The following MDGA1 variants were observed in gnomAD, a reference collection of about 807,000 sequenced individuals.
MDGA1 encodes the protein MAM domain-containing glycosylphosphatidylinositol anchor protein 1.
Under a neutral mutation model 101.5 loss-of-function variants are expected in MDGA1, and 54 were observed. The observed-to-expected ratio is 0.53, with a 90% CI of 0.43 to 0.67. The LOEUF (loss-of-function observed/expected upper bound fraction) is 0.67, where lower values mean the gene tolerates loss of function less well. MDGA1 is among the 30% of genes least tolerant of loss of function. The probability of loss-of-function intolerance (pLI) is 0.00; values close to 1 mark genes in which losing one functional copy is unlikely to be tolerated. For missense variants in MDGA1, 1,083 were observed against 1,323.8 expected (o/e 0.82, Z 2.82); for synonymous variants, 533 against 558.3 (o/e 0.95, Z 0.64).
At chr6:37,645,978 C>T in intron 11 of MDGA1, 22 bp from the exon 12 acceptor site, 1 of 1,613,950 alleles carries the variant, frequency 6.2e-7, no homozygotes, top group Non-Finnish European at 8.5e-7. Flanking sequence ...AGCGGGGAAA[C>T]CAAGTCAGAA....
At chr6:37,681,083 TG>T (rs1207161369) in intron 1 of MDGA1, among the ~76,000 whole-genome samples, 3 of 152,268 alleles carry the variant, frequency 2.0e-5, no homozygotes, top group Non-Finnish European at 2.9e-5. Flanking sequence ...GGCCCAGCTC[TG>T]GCAGTGCCTG....
intron 1 of MDGA1, among the ~76,000 whole-genome samples, chr6:37,691,669 A>G (rs1762311668): frequency 6.6e-6 from 1 of 152,276 alleles, no homozygotes; most frequent in Non-Finnish European, 1.5e-5. Context: ...TTCATTGTTG[A>G]AAAACAAAAA....
At chr6:37,663,836 C>G in intron 2 of MDGA1, 131 bp downstream of exon 2, 1 of 1,006,362 alleles carries the variant, frequency 9.9e-7, no homozygotes, top group Non-Finnish European at 1.4e-6. Flanking sequence ...TCCCCAGCCC[C>G]CATCTCCTGT....
intron 9 of MDGA1, 135 bp from the exon 10 acceptor site, chr6:37,647,459 A>T: frequency 1.0e-4 from 47 of 470,840 alleles, no homozygotes; most frequent in East Asian, 1.4e-4. Flanking sequence ...GAAAGGGAAT[A>T]TTGTGAGGTG....
At position 37,696,515 on chromosome 6, in the gene MDGA1, G is replaced by T. The variant is rs1762422428; in HGVS notation, c.67+230C>A. On this transcript the variant is annotated intron_variant, in intron 1 of 16. Coordinates refer to ENST00000434837, the MANE Select transcript of MDGA1 (RefSeq NM_153487.4). This position sits in a 1 kb window ranked among gnomAD's most constrained non-coding sequence, Gnocchi z 5.6. Reference sequence around the variant, plus strand: ...CCCACCTCTAGCAGGGTGTGGGAAAGTGGGTGCCTCCTCCTGACATCCCGG... The same window carrying T: ...CCCACCTCTAGCAGGGTGTGGGAAATTGGGTGCCTCCTCCTGACATCCCGG... 6.6e-6 allele frequency among the ~76,000 whole-genome samples: 1 copy of T among 152,216 alleles called. No individual in the cohort carries two copies. The highest frequency in any genetic ancestry group is 2.4e-5 in the African/African-American group (1 of 41,458).
intron 9 of MDGA1, 111 bp from the exon 10 acceptor site, chr6:37,647,435 C>T (rs562463351): frequency 1.4e-4 from 88 of 613,678 alleles, no homozygotes; most frequent in Non-Finnish European, 2.0e-4. Flanking sequence ...AGAGAGGGGA[C>T]GGAGAAACAA....
At position 37,655,322 on chromosome 6, in the gene MDGA1, G is replaced by A. The variant is rs1761458726; in HGVS notation, c.579+378C>T. On this transcript the variant is annotated intron_variant, in intron 4 of 16. Transcript: ENST00000434837. The surrounding 1 kb of genome is among the most constrained non-coding windows in gnomAD (Gnocchi z 5.1). ...CAGAATGGCATCACCACCATCTCCT[G>A]GGACTATCAGGGCCCATGGGAAGAG... 5.9e-6 allele frequency: 2 copies of A among 338,788 alleles called. No individual in the cohort carries two copies. The highest frequency in any genetic ancestry group is 4.1e-5 in the African/African-American group (2 of 48,384). 21.0% of individuals were successfully genotyped at this position (338,788 alleles called of 1,614,324 possible).
At chr6:37,668,009 G>A (rs886906891) in intron 1 of MDGA1, among the ~76,000 whole-genome samples, 2 of 152,136 alleles carry the variant, frequency 1.3e-5, no homozygotes, top group Non-Finnish European at 2.9e-5. Context: ...CCAGCACTTT[G>A]GGAGGCTGAG....
chr6:37,635,340 G>C lies in MDGA1; in HGVS notation c.*2028C>G, dbSNP rs1046971448. 3 of 397,810 alleles carry C rather than the reference G, an allele frequency of 7.5e-6. No individual in the cohort carries two copies. Among genetic ancestry groups the C allele is most frequent in the African/African-American group, 6.2e-5 (3 of 48,630 alleles). 24.6% of individuals were successfully genotyped at this position (397,810 alleles called of 1,614,324 possible). ...GGTGGCGAAGGTGGAGGGGGGACTTGGAAGGCTCAGAGGAGGAGCTCACAG... is the reference window on the plus strand; with the variant it reads ...GGTGGCGAAGGTGGAGGGGGGACTTCGAAGGCTCAGAGGAGGAGCTCACAG... On this transcript the variant is annotated 3_prime_UTR_variant, in exon 17 of 17. Coordinates refer to ENST00000434837, the MANE Select transcript of MDGA1 (RefSeq NM_153487.4).
chr6:37,692,224 G>A (rs1762323367), intron 1 of MDGA1, among the ~76,000 whole-genome samples: 1 of 152,096 alleles, frequency 6.6e-6, no homozygotes, highest in Non-Finnish European at 1.5e-5. Flanking sequence ...AGCAGCTGCC[G>A]CACAGGGCAG....
At position 37,684,289 on chromosome 6, in the gene MDGA1, T is replaced by G. The variant is rs909170989; in HGVS notation, c.67+12456A>C. 5.3e-5 allele frequency among the ~76,000 whole-genome samples: 8 copies of G among 152,178 alleles called. 1 individual carries two copies. The highest frequency in any genetic ancestry group is 3.3e-4 in the Admixed American group (5 of 15,280). On this transcript the variant is annotated intron_variant, in intron 1 of 16. Coordinates refer to ENST00000434837, the MANE Select transcript of MDGA1 (RefSeq NM_153487.4). Reference sequence around the variant, plus strand: ...TTCACACTACCAAGCAGGCTCACCTTCCTACCCACAAGGGCGGGGGAAGCC... The same window carrying G: ...TTCACACTACCAAGCAGGCTCACCTGCCTACCCACAAGGGCGGGGGAAGCC...
At chr6:37,660,161 T>C (rs1761588737) in intron 2 of MDGA1, among the ~76,000 whole-genome samples, 1 of 147,978 alleles carries the variant, frequency 6.8e-6, no homozygotes, top group Non-Finnish European at 1.5e-5. Flanking sequence ...TACAGGTGTG[T>C]GCCACCACAC....
chr6:37,686,335 C>T (rs992251109), intron 1 of MDGA1, among the ~76,000 whole-genome samples: 19 of 149,420 alleles, frequency 1.3e-4, no homozygotes, highest in African/African-American at 4.7e-4. Flanking sequence ...ACCTTTGCTG[C>T]ACACTGGAAT....
rs1286686581 is a variant in MDGA1 at position 37,633,825 on chromosome 6, T to G, written c.*3543A>C. 1 of 152,328 alleles carries G rather than the reference T, an allele frequency of 6.6e-6. No homozygotes were observed. Among genetic ancestry groups the G allele is most frequent in the African/African-American group, 2.4e-5 (1 of 41,448 alleles). The allele number at this position is 152,328 out of a possible 1,614,324, so 9.4% of individuals were successfully genotyped here. ...ACAAGCGGTGTGACACCCCCAGGGC[T>G]GTAGTACTTGGCTCTCCCAAGACTG... On this transcript the variant is annotated 3_prime_UTR_variant, in exon 17 of 17. Transcript: ENST00000434837.
At chr6:37,671,200 G>T (rs547011590) in intron 1 of MDGA1, among the ~76,000 whole-genome samples, 48 of 152,332 alleles carry the variant, frequency 3.2e-4, no homozygotes, top group African/African-American at 1.2e-3. Context: ...TAAGGATGCT[G>T]CATGTTCTTT....
At chr6:37,663,821 C>T in intron 2 of MDGA1, 146 bp downstream of exon 2, 1 of 890,620 alleles carries the variant, frequency 1.1e-6, no homozygotes, top group East Asian at 2.7e-5. Flanking sequence ...AATTTTCCTG[C>T]TATTTCCCCA....
chr6:37,648,702 A>G, intron 9 of MDGA1: 1 of 540,596 alleles, frequency 1.8e-6, no homozygotes, highest in Non-Finnish European at 3.2e-6. Flanking sequence ...CGGGCCTTGG[A>G]AGGCGAAGGC....
rs561421971 is a variant in MDGA1, at chr6:37,668,835, CT to C, written c.68-4730del. ...GGGCACAAGAGAACTAACTTTTTCTCTCTTTCTCTCTCTCTCTCTCTTTCTT... is the reference window on the plus strand; with the variant it reads ...GGGCACAAGAGAACTAACTTTTTCTCCTTTCTCTCTCTCTCTCTCTTTCTT... On this transcript the variant is annotated intron_variant, in intron 1 of 16. Transcript: ENST00000434837. 2.2e-3 allele frequency among the ~76,000 whole-genome samples: 332 copies of C among 152,040 alleles called. 2 individuals carry two copies. Among genetic ancestry groups the C allele is most frequent in the African/African-American group, 7.5e-3 (310 of 41,404 alleles).
chr6:37,695,545 G>C (rs1444053788), intron 1 of MDGA1, among the ~76,000 whole-genome samples: 5 of 152,220 alleles, frequency 3.3e-5, no homozygotes, highest in African/African-American at 1.2e-4. Flanking sequence ...TCACCTCTCA[G>C]ACACCCTTCA....
Sources: allele counts gnomAD v4.1 joint callset (sites outside exome capture counted in the v4.1 genomes callset), GRCh38; gene constraint gnomAD v4.1.1; non-coding constraint Gnocchi (gnomAD v3.1); transcripts MANE v1.5; gene names NCBI Gene and HGNC (gene_info 2026-07-23, HGNC 2026-07-21).